Variants in DNAH8 observed in about 807,000 individuals in gnomAD.
DNAH8 encodes dynein axonemal heavy chain 8.
DNAH8 carries 382 observed loss-of-function variants against 562.1 expected under a neutral mutation model. That is an observed-to-expected ratio of 0.68 (90% CI 0.63 to 0.74). The LOEUF is 0.74. Among genes scored for constraint, DNAH8 ranks in the 30% least tolerant of loss-of-function variants. The probability of loss-of-function intolerance (pLI) is 0.00; values close to 1 mark genes in which losing one functional copy is unlikely to be tolerated. For missense variants in DNAH8, 5,203 were observed against 5,620.4 expected, an observed-to-expected ratio of 0.93 and a Z score of 2.37; for synonymous variants, 1,881 against 1,919.4, an observed-to-expected ratio of 0.98 and a Z score of 0.52.
At chr6:38,779,073 A>T (rs953553638) in intron 14 of DNAH8, among the ~76,000 whole-genome samples, 1 of 151,708 alleles carries the variant, frequency 6.6e-6, no homozygotes, top group African/African-American at 2.4e-5. Flanking sequence ...TAACAGCACT[A>T]CTCTCTCAAA....
chr6:38,903,558 C>A (rs966903002), intron 62 of DNAH8, among the ~76,000 whole-genome samples: 42 of 151,908 alleles, frequency 2.8e-4, no homozygotes, highest in Non-Finnish European at 5.4e-4. Flanking sequence ...GGACAAACAT[C>A]CAAACTATAT....
At chr6:38,777,155 A>T (rs1401621984) in intron 13 of DNAH8, among the ~76,000 whole-genome samples, 1 of 152,186 alleles carries the variant, frequency 6.6e-6, no homozygotes, top group Non-Finnish European at 1.5e-5. Context: ...ACTCTTTGAT[A>T]TGAAGATATA....
intron 79 of DNAH8, 150 bp downstream of exon 79, chr6:38,939,138 G>GT (rs1306922878): frequency 7.8e-6 from 5 of 637,638 alleles, no homozygotes; most frequent in Non-Finnish European, 1.3e-5. Flanking sequence ...CCTTTTTTCT[G>GT]TTTTTCATTC....
At chr6:38,729,862 C>T (rs1430581915) in intron 3 of DNAH8, 40 bp from the exon 4 acceptor site, 30 of 1,057,378 alleles carry the variant, frequency 2.8e-5, no homozygotes, top group Non-Finnish European at 4.3e-5. Flanking sequence ...AAGAATTTTT[C>T]CTTAGTCGTT....
At chr6:38,789,757 C>T in intron 18 of DNAH8, 46 bp from the exon 19 acceptor site, 1 of 1,421,556 alleles carries the variant, frequency 7.0e-7, no homozygotes, top group East Asian at 2.3e-5. Context: ...GTGACTGCTA[C>T]TTTAAAATGA....
intron 17 of DNAH8, among the ~76,000 whole-genome samples, chr6:38,785,662 G>T (rs772389905): frequency 6.6e-6 from 1 of 151,340 alleles, no homozygotes; most frequent in Non-Finnish European, 1.5e-5. Context: ...GCCCTGGTGT[G>T]TGCCGTTCCC....
intron 56 of DNAH8, among the ~76,000 whole-genome samples, 200 bp from the exon 57 acceptor site, chr6:38,886,591 A>T (rs1778942400): frequency 1.3e-5 from 2 of 152,196 alleles, no homozygotes; most frequent in Admixed American, 6.5e-5. Context: ...TTGGACTTGG[A>T]CCATGCATGT....
chr6:39,002,874 A>G (rs1431994138), intron 88 of DNAH8, among the ~76,000 whole-genome samples: 1 of 152,180 alleles, frequency 6.6e-6, no homozygotes, highest in African/African-American at 2.4e-5. Context: ...TATCTGACTG[A>G]AAGTTCTGTA....
chr6:38,845,003 C>T (rs1775165493), intron 35 of DNAH8, among the ~76,000 whole-genome samples: 1 of 152,064 alleles, frequency 6.6e-6, no homozygotes, highest in Non-Finnish European at 1.5e-5. Flanking sequence ...TAACTATGAA[C>T]ACACATTGAG....
intron 42 of DNAH8, among the ~76,000 whole-genome samples, chr6:38,858,219 C>G (rs1439766052): frequency 6.6e-6 from 1 of 152,124 alleles, no homozygotes; most frequent in African/African-American, 2.4e-5. Flanking sequence ...TGACCAAGGC[C>G]AACTTCTCCT....
chr6:38,863,359 G>A (rs1212759584), intron 44 of DNAH8, among the ~76,000 whole-genome samples: 4 of 151,902 alleles, frequency 2.6e-5, no homozygotes, highest in Non-Finnish European at 5.9e-5. Context: ...CCCGGGAGGC[G>A]GAGGTTGCAG....
In DNAH8 at chr6:38,845,076, C is replaced by CA. The variant is rs35736496; in HGVS notation, c.4846-488dup. ...GTGAGTCTTTCTTATTAAGTATTCT[C>CA]AAAAAAAAAATATAGAAAAACCCAT... On this transcript the variant is annotated intron_variant, in intron 35 of 92. Transcript: ENST00000327475. Among the ~76,000 whole-genome samples, 652 of 147,206 alleles carry CA rather than the reference C, an allele frequency of 4.4e-3. 22 individuals carry two copies. In the East Asian group the frequency reaches 0.074, roughly 17 times the overall value.
At chr6:38,938,506 C>T (rs529348284) in intron 78 of DNAH8, among the ~76,000 whole-genome samples, 88 of 152,186 alleles carry the variant, frequency 5.8e-4, no homozygotes, top group African/African-American at 2.0e-3. Flanking sequence ...AACCAAATAC[C>T]GCATAGTCTC....
In DNAH8 at chr6:38,780,066, G is replaced by A. The variant is rs376576474; in HGVS notation, c.2139+1G>A. On this transcript the variant is annotated splice_donor_variant, in intron 15 of 92. Transcript: ENST00000327475. LOFTEE classifies it high-confidence loss of function. ...GGCTGAACTTGATGCTACTAAGAAG[G>A]CAAGTGTCATGTTTATAAATAAAAT... 2.5e-5 allele frequency: 41 copies of A among 1,612,566 alleles called. No homozygotes were observed. The highest frequency in any genetic ancestry group is 3.3e-5 in the Non-Finnish European group (39 of 1,179,048).
chr6:38,751,733 A>G (rs886628506), intron 9 of DNAH8, among the ~76,000 whole-genome samples: 1 of 151,872 alleles, frequency 6.6e-6, no homozygotes, highest in African/African-American at 2.4e-5. Flanking sequence ...TATTTCATAT[A>G]AAATATGAAA....
chr6:38,722,068 T>C lies in DNAH8; in HGVS notation c.-34-708T>C, dbSNP rs143526045. On this transcript the variant is annotated intron_variant, in intron 1 of 92. Coordinates refer to ENST00000327475, the MANE Select transcript of DNAH8 (RefSeq NM_001206927.2). ...TTCCACTGGCGTCCCCTAATTTCCATGGTTATGTGCTCATAACTTCTACAC... is the reference window on the plus strand; with the variant it reads ...TTCCACTGGCGTCCCCTAATTTCCACGGTTATGTGCTCATAACTTCTACAC... Among the ~76,000 whole-genome samples, 80 of 152,350 alleles carry C rather than the reference T, an allele frequency of 5.3e-4. No individual in the cohort carries two copies. In the East Asian group the frequency reaches 0.015, roughly 29 times the overall value.
At chr6:38,800,005 G>A (rs535418142) in intron 21 of DNAH8, among the ~76,000 whole-genome samples, 2 of 152,302 alleles carry the variant, frequency 1.3e-5, no homozygotes, top group South Asian at 4.1e-4. Context: ...CTGGAATGCA[G>A]TAGTGTGAAT....
At chr6:38,897,273 G>T (rs1167736200) in intron 60 of DNAH8, among the ~76,000 whole-genome samples, 1 of 152,130 alleles carries the variant, frequency 6.6e-6, no homozygotes, top group Non-Finnish European at 1.5e-5. Flanking sequence ...CATAAATAAG[G>T]TTTTATTGAA....
At chr6:38,926,918 G>T (rs1782168764) in intron 74 of DNAH8, among the ~76,000 whole-genome samples, 1 of 152,116 alleles carries the variant, frequency 6.6e-6, no homozygotes, top group Non-Finnish European at 1.5e-5. Context: ...AATATAACCT[G>T]TCCTGAATCC....
Sources: gnomAD v4.1 joint callset for allele counts (sites outside exome capture counted in the v4.1 genomes callset) on GRCh38, gnomAD v4.1.1 for gene constraint, MANE v1.5 for transcripts, NCBI Gene and HGNC (gene_info 2026-07-23, HGNC 2026-07-21) for gene names.